Variants in NRXN1 observed in about 807,000 individuals in gnomAD.
The protein encoded by NRXN1 is neurexin-1.
NRXN1 carries 39 observed loss-of-function variants against 150.9 expected under a neutral mutation model. The observed-to-expected ratio is 0.26, with a 90% CI of 0.20 to 0.34. The LOEUF (loss-of-function observed/expected upper bound fraction) is 0.34. Ranked by LOEUF, NRXN1 falls within the 10% of genes least tolerant of loss-of-function variation. The pLI, the probability that NRXN1 is intolerant of heterozygous loss-of-function variation, is 1.00. For synonymous variants in NRXN1, 924 were observed against 757.0 expected (o/e 1.22, Z -3.62); for missense variants, 1,815 against 1,949.9 (o/e 0.93, Z 1.30).
chr2:50,711,810 G>C (rs1295353288), intron 5 of NRXN1, among the ~76,000 whole-genome samples: 1 of 152,094 alleles, frequency 6.6e-6, no homozygotes, highest in East Asian at 1.9e-4. Context: ...TTTATAACGG[G>C]CCTCTGGAAG....
At chr2:50,084,389 C>A (rs6721774) in intron 19 of NRXN1, among the ~76,000 whole-genome samples, 1 of 151,986 alleles carries the variant, frequency 6.6e-6, no homozygotes, top group Non-Finnish European at 1.5e-5. Flanking sequence ...AGAAATCGAG[C>A]GCAGTGCCGG....
intron 17 of NRXN1, among the ~76,000 whole-genome samples, chr2:50,289,879 A>G: frequency 6.6e-6 from 1 of 152,276 alleles, no homozygotes; most frequent in East Asian, 1.9e-4. Flanking sequence ...AAATTCATTA[A>G]TTTTTTAAAA....
chr2:50,362,129 C>T (rs1275618317), intron 17 of NRXN1, among the ~76,000 whole-genome samples: 1 of 152,164 alleles, frequency 6.6e-6, no homozygotes, highest in East Asian at 1.9e-4. Context: ...TATGACAAAC[C>T]CACAACAAAT....
chr2:50,132,238 G>C (rs1326291147), intron 18 of NRXN1, among the ~76,000 whole-genome samples: 8 of 151,774 alleles, frequency 5.3e-5, no homozygotes, highest in Non-Finnish European at 1.5e-5. Context: ...TTCTCATGGA[G>C]ACTGTGAGGT....
chr2:50,549,850 G>C (rs944841610), intron 9 of NRXN1, among the ~76,000 whole-genome samples: 2 of 152,002 alleles, frequency 1.3e-5, no homozygotes, highest in African/African-American at 2.4e-5. Context: ...AAATAATTTT[G>C]TTCTCTGTGA....
intron 17 of NRXN1, among the ~76,000 whole-genome samples, chr2:50,280,012 T>C (rs2071197569): frequency 6.6e-6 from 1 of 152,160 alleles, no homozygotes; most frequent in Middle Eastern, 3.4e-3. Flanking sequence ...AACAGATATA[T>C]TAACGCCTGT....
chr2:50,347,086 C>G lies in NRXN1; in HGVS notation c.3365-110116G>C. The G allele has an allele frequency of 7.2e-7, 1 of 1,384,966 alleles. No homozygotes were observed. The highest frequency in any genetic ancestry group is 9.5e-7 in the Non-Finnish European group (1 of 1,053,792). The allele number at this position is 1,384,966 out of a possible 1,614,324, so 85.8% of individuals were successfully genotyped here. Reference sequence around the variant, plus strand: ...CTCACCGCGCCAGGGCACCCATCCTCTCCCTCCTTCGGACAGTCTTCTCGG... The same window carrying G: ...CTCACCGCGCCAGGGCACCCATCCTGTCCCTCCTTCGGACAGTCTTCTCGG... On this transcript the variant is annotated intron_variant, in intron 17 of 22. Coordinates refer to ENST00000401669, the MANE Select transcript of NRXN1 (RefSeq NM_001330078.2). This position sits in a 1 kb window ranked among gnomAD's most constrained non-coding sequence, Gnocchi z 4.9.
intron 5 of NRXN1, among the ~76,000 whole-genome samples, chr2:50,863,168 A>C (rs1676385820): frequency 6.6e-6 from 1 of 152,060 alleles, no homozygotes; most frequent in South Asian, 2.1e-4. Context: ...ACAGCTTAGA[A>C]GTCCAATAAT....
chr2:50,490,030 G>A (rs1042774997), intron 15 of NRXN1, among the ~76,000 whole-genome samples: 1 of 152,204 alleles, frequency 6.6e-6, no homozygotes, highest in African/African-American at 2.4e-5. Flanking sequence ...GGATGTGGCA[G>A]AAGAGAAACA....
At chr2:50,172,627 A>T (rs1014734569) in intron 18 of NRXN1, among the ~76,000 whole-genome samples, 4 of 152,150 alleles carry the variant, frequency 2.6e-5, no homozygotes, top group Non-Finnish European at 5.9e-5. Context: ...CCAAAACTCA[A>T]TTTTTCTGTA....
At chr2:50,468,497 C>A (rs2089148547) in intron 16 of NRXN1, among the ~76,000 whole-genome samples, 1 of 151,396 alleles carries the variant, frequency 6.6e-6, no homozygotes, top group South Asian at 2.1e-4. Context: ...ATTTATTTTT[C>A]TTTTTAGTTA....
At chr2:51,009,923 C>A (rs563306435) in intron 2 of NRXN1, among the ~76,000 whole-genome samples, 11 of 151,770 alleles carry the variant, frequency 7.2e-5, no homozygotes, top group Admixed American at 6.6e-4. Context: ...ACACACGAGA[C>A]CAAGTTAAAA....
chr2:50,636,789 A>C (rs537797110), intron 5 of NRXN1, among the ~76,000 whole-genome samples: 19 of 152,288 alleles, frequency 1.2e-4, no homozygotes, highest in African/African-American at 4.3e-4. Context: ...CACAACCCAG[A>C]AAACAATACC....
intron 18 of NRXN1, among the ~76,000 whole-genome samples, chr2:50,215,847 C>T (rs1040388317): frequency 6.6e-6 from 1 of 151,988 alleles, no homozygotes; most frequent in African/African-American, 2.4e-5. Flanking sequence ...ATGCTTTGCC[C>T]AACCATATAG....
chr2:49,937,448 G>T (rs114215395), intron 22 of NRXN1, among the ~76,000 whole-genome samples: 154 of 152,294 alleles, frequency 1.0e-3, no homozygotes, highest in African/African-American at 3.6e-3. Context: ...CAGGGGAAAA[G>T]TGAGTAAAAA....
At chr2:50,501,239 A>G (rs993271076) in intron 13 of NRXN1, among the ~76,000 whole-genome samples, 21 of 152,160 alleles carry the variant, frequency 1.4e-4, no homozygotes, top group African/African-American at 3.9e-4. Flanking sequence ...ACAGCTACAG[A>G]GCATGGCTGG....
intron 21 of NRXN1, among the ~76,000 whole-genome samples, chr2:49,948,193 T>G (rs1412662779): frequency 6.6e-6 from 1 of 152,102 alleles, no homozygotes; most frequent in Non-Finnish European, 1.5e-5. Context: ...CAGTGGGTAG[T>G]GTTTCATGCA....
intron 5 of NRXN1, among the ~76,000 whole-genome samples, chr2:50,746,563 AAC>A (rs1700050831): frequency 3.5e-5 from 1 of 28,198 alleles, no homozygotes; most frequent in African/African-American, 1.2e-4. Context: ...GTCTCAAAAC[AAC>A]AACAACAACA....
At chr2:50,980,537 A>C (rs1382416777) in intron 2 of NRXN1, among the ~76,000 whole-genome samples, 1 of 152,140 alleles carries the variant, frequency 6.6e-6, no homozygotes, top group Non-Finnish European at 1.5e-5. Context: ...ATTAATTAGG[A>C]ATAGTAGTGA....
Sources: gnomAD v4.1 joint callset for allele counts (sites outside exome capture counted in the v4.1 genomes callset) on GRCh38, gnomAD v4.1.1 for gene constraint, Gnocchi (gnomAD v3.1) non-coding constraint, MANE v1.5 for transcripts, NCBI Gene and HGNC (gene_info 2026-07-23, HGNC 2026-07-21) for gene names.